CTTNBP2NL: variants seen among roughly 807,000 people sequenced by gnomAD.
CTTNBP2NL encodes the protein CTTNBP2 N-terminal-like protein.
CTTNBP2NL carries 16 observed loss-of-function variants against 32.5 expected under a neutral mutation model. That is an observed-to-expected ratio of 0.49 (90% CI 0.33 to 0.75). CTTNBP2NL has a LOEUF of 0.75. CTTNBP2NL is among the 30% of genes least tolerant of loss of function. The pLI is 0.02. For missense variants in CTTNBP2NL, 645 were observed against 756.0 expected (o/e 0.85, Z 1.72); for synonymous variants, 298 against 289.4 (o/e 1.03, Z -0.30).
chr1:112,446,217 A>AGCG (rs1650032876), intron 3 of CTTNBP2NL, among the ~76,000 whole-genome samples: 3 of 145,990 alleles, frequency 2.1e-5, no homozygotes, highest in African/African-American at 7.4e-5. Flanking sequence ...AAAAAACAAC[A>AGCG]TAGCTGGGTG....
rs1244307480 is a variant in CTTNBP2NL at position 112,449,286 on chromosome 1, G to C, written c.330+114G>C. ...GTAATTCAATTGGGACATCTCACGG[G>C]TATCAAAAAGCCCCTTAGTTTATGT... On this transcript the variant is annotated intron_variant, in intron 4 of 5. Coordinates refer to ENST00000271277, the MANE Select transcript of CTTNBP2NL (RefSeq NM_018704.3). The C allele has an allele frequency of 6.7e-6, 4 of 600,206 alleles. No homozygotes were observed. In the Admixed American group the frequency reaches 1.2e-4, roughly 18 times the overall value. 37.2% of individuals were successfully genotyped at this position (600,206 alleles called of 1,614,324 possible).
At chr1:112,449,887 C>CA (rs1373594664) in intron 4 of CTTNBP2NL, among the ~76,000 whole-genome samples, 3 of 152,054 alleles carry the variant, frequency 2.0e-5, no homozygotes, top group African/African-American at 7.2e-5. Flanking sequence ...CCTAAGAAGG[C>CA]AAACCTGTGC....
chr1:112,454,644 C>A, intron 5 of CTTNBP2NL, 88 bp downstream of exon 5: 1 of 959,246 alleles, frequency 1.0e-6, no homozygotes, highest in South Asian at 1.4e-5. Context: ...TGGTATTGTT[C>A]AGAAAAGGGG....
upstream of CTTNBP2NL, among the ~76,000 whole-genome samples, chr1:112,395,062 T>C (rs1484912061): frequency 6.6e-6 from 1 of 152,240 alleles, no homozygotes. Context: ...GACTGTAAAC[T>C]GCATGAGGCA....
chr1:112,417,485 T>C (rs760491880), intron 3 of CTTNBP2NL, among the ~76,000 whole-genome samples: 4 of 152,248 alleles, frequency 2.6e-5, no homozygotes, highest in Non-Finnish European at 4.4e-5. Flanking sequence ...TATTTTTTTC[T>C]TCATGAATCC....
intron 3 of CTTNBP2NL, among the ~76,000 whole-genome samples, chr1:112,416,679 G>GACAGGGTTTC (rs1342103299): frequency 6.6e-6 from 1 of 152,028 alleles, no homozygotes; most frequent in Non-Finnish European, 1.5e-5. Flanking sequence ...TTTTAGTAGA[G>GACAGGGTTTC]ACAGGGTTTC....
chr1:112,428,129 C>G (rs947575240), intron 3 of CTTNBP2NL, among the ~76,000 whole-genome samples: 1 of 151,962 alleles, frequency 6.6e-6, no homozygotes, highest in Non-Finnish European at 1.5e-5. Flanking sequence ...ACATAAAAGA[C>G]TCAAGCAAAT....
intron 3 of CTTNBP2NL, among the ~76,000 whole-genome samples, chr1:112,442,117 T>A (rs1486001666): frequency 2.6e-5 from 4 of 151,976 alleles, no homozygotes; most frequent in African/African-American, 9.7e-5. Context: ...AAAATAATGT[T>A]TTTTGTTTTT....
At chr1:112,420,172 G>A (rs1649183274) in intron 3 of CTTNBP2NL, among the ~76,000 whole-genome samples, 3 of 133,960 alleles carry the variant, frequency 2.2e-5, no homozygotes, top group Non-Finnish European at 3.1e-5. Flanking sequence ...TTGAGATGAA[G>A]TCTCGCTCTG....
intron 3 of CTTNBP2NL, among the ~76,000 whole-genome samples, chr1:112,419,906 G>A (rs960810581): frequency 2.6e-5 from 4 of 152,174 alleles, no homozygotes; most frequent in Admixed American, 2.6e-4. Context: ...AGATTGGGAT[G>A]GGTGGTTTCG....
upstream of CTTNBP2NL, among the ~76,000 whole-genome samples, chr1:112,391,609 C>T (rs1469913488): frequency 6.6e-6 from 1 of 152,178 alleles, no homozygotes; most frequent in African/African-American, 2.4e-5. Flanking sequence ...AATGAGGAAA[C>T]AAGTTCAGGT....
intron 3 of CTTNBP2NL, among the ~76,000 whole-genome samples, chr1:112,440,352 C>A (rs1649861015): frequency 6.6e-6 from 1 of 152,174 alleles, no homozygotes; most frequent in African/African-American, 2.4e-5. Context: ...GATTACTTAT[C>A]ATTTCTGTTA....
intron 3 of CTTNBP2NL, among the ~76,000 whole-genome samples, chr1:112,438,471 T>C (rs1304756384): frequency 6.6e-6 from 1 of 152,188 alleles, no homozygotes; most frequent in Non-Finnish European, 1.5e-5. Context: ...TTCTGTATTC[T>C]ATATTTCTAT....
intron 3 of CTTNBP2NL, among the ~76,000 whole-genome samples, chr1:112,435,413 A>G (rs1035776632): frequency 2.0e-5 from 3 of 152,114 alleles, no homozygotes; most frequent in African/African-American, 7.2e-5. Flanking sequence ...GACCCAAGTA[A>G]GTACTTCATA....
intron 3 of CTTNBP2NL, among the ~76,000 whole-genome samples, chr1:112,430,253 TCTCA>T (rs1239590807): frequency 1.3e-5 from 2 of 151,532 alleles, no homozygotes. Flanking sequence ...TGAGACAGGG[TCTCA>T]CTCTGTCGCC....
At chr1:112,407,837 T>C (rs1648715054) in intron 1 of CTTNBP2NL, among the ~76,000 whole-genome samples, 1 of 132,426 alleles carries the variant, frequency 7.6e-6, no homozygotes, top group African/African-American at 2.9e-5. Context: ...TTCTTTTTTC[T>C]TTCTTTTTTT....
intron 1 of CTTNBP2NL, among the ~76,000 whole-genome samples, chr1:112,397,959 C>T (rs1286268231): frequency 1.3e-5 from 2 of 152,168 alleles, no homozygotes; most frequent in East Asian, 3.9e-4. Context: ...CACAGGTCTT[C>T]TCAGTGATTG....
intron 2 of CTTNBP2NL, among the ~76,000 whole-genome samples, chr1:112,413,737 T>C (rs1250548865): frequency 2.6e-5 from 4 of 152,210 alleles, no homozygotes; most frequent in African/African-American, 9.6e-5. Flanking sequence ...CATTTACTAG[T>C]TGCTGAAATT....
intron 1 of CTTNBP2NL, among the ~76,000 whole-genome samples, chr1:112,407,209 C>G (rs577372006): frequency 6.6e-6 from 1 of 152,040 alleles, no homozygotes; most frequent in Admixed American, 6.6e-5. Flanking sequence ...GCTTAGATCC[C>G]CCTTACCTAC....
Sources: allele counts gnomAD v4.1 joint callset (sites outside exome capture counted in the v4.1 genomes callset), GRCh38; gene constraint gnomAD v4.1.1; transcripts MANE v1.5; gene names NCBI Gene and HGNC (gene_info 2026-07-23, HGNC 2026-07-21).